The following RCAN2 variants were observed in gnomAD, a reference collection of about 807,000 sequenced individuals.
The protein encoded by RCAN2 is regulator of calcineurin 2.
A neutral mutation model predicts 23.6 loss-of-function variants in RCAN2; 9 were observed. That is an observed-to-expected ratio of 0.38 (90% confidence interval 0.23 to 0.67). The LOEUF is 0.67. Ranked by LOEUF, RCAN2 falls within the 30% of genes least tolerant of loss-of-function variation. The pLI, the probability that RCAN2 is intolerant of heterozygous loss-of-function variation, is 0.51. For missense variants in RCAN2, 273 were observed against 302.3 expected, an observed-to-expected ratio of 0.90 and a Z score of 0.72; for synonymous variants, 109 against 115.7, an observed-to-expected ratio of 0.94 and a Z score of 0.37.
intron 1 of RCAN2, among the ~76,000 whole-genome samples, chr6:46,476,115 C>T (rs1768706362): frequency 6.6e-6 from 1 of 152,164 alleles, no homozygotes; most frequent in Non-Finnish European, 1.5e-5. Flanking sequence ...TGACCCTCCA[C>T]AAGCCTTATG....
chr6:46,479,451 T>C (rs1162623031), intron 1 of RCAN2, among the ~76,000 whole-genome samples: 1 of 152,204 alleles, frequency 6.6e-6, no homozygotes, highest in African/African-American at 2.4e-5. Context: ...ATTTACTTAA[T>C]ATTCAGATGA....
intron 2 of RCAN2, among the ~76,000 whole-genome samples, chr6:46,339,294 C>T (rs186208386): frequency 1.6e-4 from 25 of 151,988 alleles, no homozygotes; most frequent in African/African-American, 5.8e-4. Flanking sequence ...ATACAAAATA[C>T]AGTAGGAGCA....
intron 2 of RCAN2, among the ~76,000 whole-genome samples, chr6:46,283,515 A>AG (rs1184384604): frequency 1.3e-5 from 2 of 152,096 alleles, no homozygotes; most frequent in Non-Finnish European, 2.9e-5. Flanking sequence ...AATATTAGCC[A>AG]GGGCCCAGAG....
intron 2 of RCAN2, among the ~76,000 whole-genome samples, chr6:46,395,188 C>T (rs1243597399): frequency 6.6e-6 from 1 of 152,110 alleles, no homozygotes; most frequent in Non-Finnish European, 1.5e-5. Context: ...CAGGGTGCAA[C>T]TCAGGCAAGA....
chr6:46,348,375 G>A (rs9367243), intron 2 of RCAN2, among the ~76,000 whole-genome samples: 49 of 151,862 alleles, frequency 3.2e-4, no homozygotes, highest in Non-Finnish European at 6.5e-4. Context: ...ACAGCCAGCC[G>A]TCCGTCTGTG....
intron 2 of RCAN2, among the ~76,000 whole-genome samples, chr6:46,434,753 C>T (rs1434904905): frequency 3.9e-5 from 6 of 152,168 alleles, no homozygotes; most frequent in Admixed American, 6.5e-5. Flanking sequence ...GATTCTCAAG[C>T]AAGGTGATTT....
rs945972991 is a variant in RCAN2 at position 46,450,740 on chromosome 6, C to G, written c.225+6012G>C. Among the ~76,000 whole-genome samples the G allele has an allele frequency of 9.2e-5, 14 of 152,008 alleles. No homozygotes were observed. In the East Asian group the frequency reaches 2.5e-3, roughly 27 times the overall value. Reference sequence around the variant, plus strand: ...ACATGTAGAGGATAAAAATGTCAGACACATAGAAACCGAGAGTAGAATGGT... The same window carrying G: ...ACATGTAGAGGATAAAAATGTCAGAGACATAGAAACCGAGAGTAGAATGGT... On this transcript the variant is annotated intron_variant, in intron 2 of 4. Coordinates refer to ENST00000371374, the MANE Select transcript of RCAN2 (RefSeq NM_001251974.2).
At chr6:46,470,609 T>C (rs1421122159) in intron 1 of RCAN2, among the ~76,000 whole-genome samples, 2 of 152,222 alleles carry the variant, frequency 1.3e-5, no homozygotes, top group Non-Finnish European at 2.9e-5. Context: ...ATCAAGCCAG[T>C]TTTCTATGTA....
chr6:46,231,253 T>C (rs1043259445), intron 4 of RCAN2, among the ~76,000 whole-genome samples: 1 of 152,076 alleles, frequency 6.6e-6, no homozygotes, highest in Admixed American at 6.6e-5. Flanking sequence ...TATGCAGCCA[T>C]AAGCCAAGGA....
At chr6:46,417,958 T>A (rs553846437) in intron 2 of RCAN2, among the ~76,000 whole-genome samples, 7 of 152,284 alleles carry the variant, frequency 4.6e-5, no homozygotes, top group African/African-American at 1.4e-4. Context: ...GTGATAAGAG[T>A]CACACAGCTA....
chr6:46,452,121 A>G (rs989567577), intron 2 of RCAN2, among the ~76,000 whole-genome samples: 23 of 152,234 alleles, frequency 1.5e-4, no homozygotes, highest in African/African-American at 5.5e-4. Flanking sequence ...ACCAAATATC[A>G]TACCAGCTTT....
chr6:46,436,327 C>T (rs568285936), intron 2 of RCAN2, among the ~76,000 whole-genome samples: 1 of 152,218 alleles, frequency 6.6e-6, no homozygotes, highest in South Asian at 2.1e-4. Flanking sequence ...ATTCTCCTGC[C>T]TCAGCCTCCC....
At chr6:46,416,183 T>C (rs566351725) in intron 2 of RCAN2, among the ~76,000 whole-genome samples, 1 of 152,086 alleles carries the variant, frequency 6.6e-6, no homozygotes, top group East Asian at 1.9e-4. Context: ...TTATTTAATA[T>C]GAATAAAGAA....
intron 1 of RCAN2, among the ~76,000 whole-genome samples, chr6:46,490,851 T>C (rs1246742504): frequency 6.6e-6 from 1 of 151,982 alleles, no homozygotes; most frequent in Admixed American, 6.5e-5. Context: ...TGCTGCTGCT[T>C]CCAGGAAGGC....
intron 2 of RCAN2, among the ~76,000 whole-genome samples, chr6:46,425,554 T>G (rs1767007643): frequency 6.6e-6 from 1 of 152,228 alleles, no homozygotes; most frequent in South Asian, 2.1e-4. Context: ...GTAAGAATTT[T>G]TTTAAAAAAA....
chr6:46,421,796 T>C (rs1766896029), intron 2 of RCAN2, among the ~76,000 whole-genome samples: 1 of 152,216 alleles, frequency 6.6e-6, no homozygotes, highest in African/African-American at 2.4e-5. Flanking sequence ...CTGATCTTTA[T>C]ATCCTTAGTA....
intron 2 of RCAN2, among the ~76,000 whole-genome samples, chr6:46,437,033 A>AT (rs1767391121): frequency 6.6e-6 from 1 of 152,100 alleles, no homozygotes; most frequent in Non-Finnish European, 1.5e-5. Flanking sequence ...CAACTGCCTC[A>AT]TTTTTTTCCA....
In RCAN2 at chr6:46,334,445, A is replaced by G. The variant is rs568025872; in HGVS notation, c.226-85549T>C. On this transcript the variant is annotated intron_variant, in intron 2 of 4. Coordinates refer to ENST00000371374, the MANE Select transcript of RCAN2 (RefSeq NM_001251974.2). Reference sequence around the variant, plus strand: ...CTTGGAAAGCCAGCAGAGAACAGGTACTGTCACACAGACAAGAAATAAATC... The same window carrying G: ...CTTGGAAAGCCAGCAGAGAACAGGTGCTGTCACACAGACAAGAAATAAATC... 5.9e-5 allele frequency among the ~76,000 whole-genome samples: 9 copies of G among 152,354 alleles called. No homozygotes were observed. In the South Asian group the frequency reaches 1.9e-3, roughly 32 times the overall value.
At position 46,367,021 on chromosome 6, in the gene RCAN2, G is replaced by GCATATATATATA. The variant is rs1458476806; in HGVS notation, c.225+89730_225+89731insTATATATATATG. On this transcript the variant is annotated intron_variant, in intron 2 of 4. Coordinates refer to ENST00000371374, the MANE Select transcript of RCAN2 (RefSeq NM_001251974.2). ...TATTTTATTTTCAGTTATCTGGGAT[G>GCATATATATATA]GATATATATATATATATATATATAT... Among the ~76,000 whole-genome samples, 4 of 40,200 alleles carry GCATATATATATA rather than the reference G, an allele frequency of 1.0e-4. 1 individual carries two copies. Among genetic ancestry groups the GCATATATATATA allele is most frequent in the Non-Finnish European group, 2.2e-4 (4 of 18,240 alleles). 26.4% of individuals were successfully genotyped at this position (40,200 alleles called of 152,430 possible). A position where few individuals can be genotyped will look rare whatever the true frequency, so the allele number is the denominator to read the frequency against.
Sources: gnomAD v4.1 joint callset for allele counts (sites outside exome capture counted in the v4.1 genomes callset) on GRCh38, gnomAD v4.1.1 for gene constraint, MANE v1.5 for transcripts, NCBI Gene and HGNC (gene_info 2026-07-23, HGNC 2026-07-21) for gene names.